STT3B: variants seen among roughly 807,000 people sequenced by gnomAD.
STT3B encodes the protein dolichyl-diphosphooligosaccharide--protein glycosyltransferase subunit STT3B.
In STT3B, 29 loss-of-function variants were observed where a neutral mutation model predicts 96.8. The observed-to-expected ratio is 0.30, with a 90% confidence interval of 0.22 to 0.41. The LOEUF is 0.41. STT3B is among the 10% of genes least tolerant of loss of function. STT3B has a pLI of 1.00. For synonymous variants in STT3B, 367 were observed against 360.0 expected (o/e 1.02, Z -0.22); for missense variants, 640 against 1,022.3 (o/e 0.63, Z 5.10).
intron 1 of STT3B, among the ~76,000 whole-genome samples, chr3:31,561,537 T>C (rs575829354): frequency 1.3e-5 from 2 of 152,258 alleles, no homozygotes; most frequent in Middle Eastern, 3.4e-3. Flanking sequence ...TTTTTTTGTG[T>C]GTGCCCATTT....
In STT3B at chr3:31,587,235, A is replaced by G. The variant is rs375074398; in HGVS notation, c.711+7139A>G. Among the ~76,000 whole-genome samples, 155 of 150,088 alleles carry G rather than the reference A, an allele frequency of 1.0e-3. 3 individuals are homozygous for G. The South Asian group carries it at 0.032, about 31-fold the overall frequency. Reference sequence around the variant, plus strand: ...ATATTAACCAAGTTGTACCATTACCACTATCCAGTTACAGAACATTTTAAC... The same window carrying G: ...ATATTAACCAAGTTGTACCATTACCGCTATCCAGTTACAGAACATTTTAAC... On this transcript the variant is annotated intron_variant, in intron 3 of 15. Transcript: ENST00000295770.
chr3:31,537,638 G>C (rs946114057), intron 1 of STT3B, among the ~76,000 whole-genome samples: 2 of 151,996 alleles, frequency 1.3e-5, no homozygotes, highest in Non-Finnish European at 2.9e-5. Context: ...TTTTCATATC[G>C]TAAAGGTTAA....
intron 13 of STT3B, among the ~76,000 whole-genome samples, chr3:31,627,247 A>G (rs1699557583): frequency 6.6e-6 from 1 of 152,224 alleles, no homozygotes; most frequent in African/African-American, 2.4e-5. Flanking sequence ...GACCAGCGGC[A>G]GCATTAGATT....
intron 5 of STT3B, among the ~76,000 whole-genome samples, chr3:31,605,734 T>C (rs919085057): frequency 1.8e-4 from 28 of 152,142 alleles, no homozygotes; most frequent in African/African-American, 6.8e-4. Flanking sequence ...TACAGTAAAT[T>C]GGTACTGGTA....
chr3:31,533,165 C>CGGGGCTGTCCGG lies in STT3B; in HGVS notation c.177_188dup (p.Gly60_Ser63dup). 1 of 1,330,212 alleles carries CGGGGCTGTCCGG rather than the reference C, an allele frequency of 7.5e-7. No individual in the cohort carries two copies. Among genetic ancestry groups the CGGGGCTGTCCGG allele is most frequent in the South Asian group, 2.2e-5 (1 of 46,418 alleles). 82.4% of individuals were successfully genotyped at this position (1,330,212 alleles called of 1,614,324 possible). ...GCGGCGCCGCCGAAGCCGGCCCCGGCGGGGCTGTCCGGGGGGCTGTCGCAG... is the reference window on the plus strand; with the variant it reads ...GCGGCGCCGCCGAAGCCGGCCCCGGCGGGGCTGTCCGGGGGGCTGTCCGGGGGGCTGTCGCAG... On this transcript the variant is annotated inframe_insertion, in exon 1 of 16. Transcript: ENST00000295770.
intron 11 of STT3B, among the ~76,000 whole-genome samples, chr3:31,624,141 C>G (rs539104687): frequency 1.3e-5 from 2 of 152,180 alleles, no homozygotes; most frequent in South Asian, 4.1e-4. Flanking sequence ...TCAAGTTACA[C>G]TCTTAGTTAT....
At chr3:31,583,100 T>G (rs1322114624) in intron 3 of STT3B, among the ~76,000 whole-genome samples, 1 of 152,208 alleles carries the variant, frequency 6.6e-6, no homozygotes, top group African/African-American at 2.4e-5. Flanking sequence ...CCTGTCTGGT[T>G]GTTCTATCCA....
chr3:31,581,638 G>C (rs1698386659), intron 3 of STT3B, among the ~76,000 whole-genome samples: 1 of 152,146 alleles, frequency 6.6e-6, no homozygotes, highest in South Asian at 2.1e-4. Flanking sequence ...TTCATAAGGT[G>C]ATATTGGTTT....
At chr3:31,542,047 A>G (rs993576961) in intron 1 of STT3B, among the ~76,000 whole-genome samples, 1 of 152,228 alleles carries the variant, frequency 6.6e-6, no homozygotes. Flanking sequence ...ATCCTTGACT[A>G]GAGTAACTTT....
intron 1 of STT3B, among the ~76,000 whole-genome samples, chr3:31,534,616 T>A (rs772342826): frequency 2.6e-5 from 4 of 152,208 alleles, no homozygotes; most frequent in Non-Finnish European, 4.4e-5. Context: ...AGGGGGGCAG[T>A]AACTTACCTG....
At chr3:31,551,198 GTTTT>G (rs1295229588) in intron 1 of STT3B, among the ~76,000 whole-genome samples, 1 of 140,702 alleles carries the variant, frequency 7.1e-6, no homozygotes, top group Admixed American at 7.7e-5. Flanking sequence ...GTTTTTGGGT[GTTTT>G]TTGTTTGTTT....
In STT3B at chr3:31,615,209, A is replaced by G; in HGVS notation, c.976+6A>G. 6.3e-7 allele frequency: 1 copy of G among 1,585,790 alleles called. No individual in the cohort carries two copies. The highest frequency in any genetic ancestry group is 1.1e-5 in the South Asian group (1 of 89,084). Reference sequence around the variant, plus strand: ...TGAACACATGGCAGCTGCAGGTATGAAAAATATATATTTTCCTTCTTCTAA... The same window carrying G: ...TGAACACATGGCAGCTGCAGGTATGGAAAATATATATTTTCCTTCTTCTAA... On this transcript the variant is annotated splice_donor_region_variant and intron_variant, in intron 6 of 15. Coordinates refer to ENST00000295770, the MANE Select transcript of STT3B (RefSeq NM_178862.3).
intron 1 of STT3B, among the ~76,000 whole-genome samples, chr3:31,539,427 A>AT (rs1482957136): frequency 6.6e-6 from 1 of 152,204 alleles, no homozygotes; most frequent in Non-Finnish European, 1.5e-5. Context: ...CATAGACAAA[A>AT]GATAATTCAA....
At chr3:31,545,660 T>C (rs1697387993) in intron 1 of STT3B, among the ~76,000 whole-genome samples, 1 of 151,474 alleles carries the variant, frequency 6.6e-6, no homozygotes, top group African/African-American at 2.4e-5. Flanking sequence ...TAGGCAACAT[T>C]ATGCTGAATT....
intron 1 of STT3B, among the ~76,000 whole-genome samples, chr3:31,566,570 A>G (rs1212111821): frequency 6.6e-6 from 1 of 152,142 alleles, no homozygotes; most frequent in Non-Finnish European, 1.5e-5. Flanking sequence ...CCATTTCTCC[A>G]CCTCAAGGCC....
Position 31,625,061 on chromosome 3 carries a change from C to G in STT3B, c.1875C>G (p.Thr625=). The G allele has an allele frequency of 6.2e-7, 1 of 1,612,832 alleles. No individual in the cohort carries two copies. The highest frequency in any genetic ancestry group is 1.3e-5 in the African/African-American group (1 of 74,896). The change falls in exon 12 of 16, where the codon ACC becomes ACG. Residue 625 remains threonine, a synonymous_variant. Transcript: ENST00000295770. ...GAACTACGTTGGTGGATAATAACACCTGGAATAACAGCCACATAGCACTGG... is the reference window on the plus strand; with the variant it reads ...GAACTACGTTGGTGGATAATAACACGTGGAATAACAGCCACATAGCACTGG... ...ANRTTLVDNN[T]WNNSHIALVG...
At position 31,552,753 on chromosome 3, in the gene STT3B, G is replaced by C. The variant is rs534110889; in HGVS notation, c.314+19441G>C. 4.0e-3 allele frequency among the ~76,000 whole-genome samples: 607 copies of C among 152,224 alleles called. 1 individual carries two copies. Among genetic ancestry groups the C allele is most frequent in the Non-Finnish European group, 7.8e-3 (528 of 68,012 alleles). On this transcript the variant is annotated intron_variant, in intron 1 of 15. Transcript: ENST00000295770. ...TGGACAGTAAGCTTTGTGAGGACAG[G>C]TCCGTCCTGTTTGCTAGTATCTTTA...
intron 3 of STT3B, among the ~76,000 whole-genome samples, chr3:31,584,373 T>G (rs2125455664): frequency 6.6e-6 from 1 of 152,314 alleles, no homozygotes; most frequent in Non-Finnish European, 1.5e-5. Context: ...CCTTCAACTT[T>G]GTTGTTCTTT....
intron 11 of STT3B, among the ~76,000 whole-genome samples, chr3:31,624,240 C>T (rs576057325): frequency 6.6e-6 from 1 of 152,334 alleles, no homozygotes; most frequent in South Asian, 2.1e-4. Context: ...TCCCCCGCCC[C>T]TGCCAGCCTC....
Sources: gnomAD v4.1 joint callset for allele counts (sites outside exome capture counted in the v4.1 genomes callset) on GRCh38, gnomAD v4.1.1 for gene constraint, MANE v1.5 for transcripts, NCBI Gene and HGNC (gene_info 2026-07-23, HGNC 2026-07-21) for gene names.